Variants in ERBB4 observed in about 807,000 individuals in gnomAD.
ERBB4 encodes erb-b2 receptor tyrosine kinase 4.
In ERBB4, 42 loss-of-function variants were observed where a neutral mutation model predicts 158.0. That is an observed-to-expected ratio of 0.27 (90% CI 0.21 to 0.34). The LOEUF (loss-of-function observed/expected upper bound fraction) is 0.34. Among genes scored for constraint, ERBB4 ranks in the 10% least tolerant of loss-of-function variants. ERBB4 has a pLI of 1.00. For synonymous variants in ERBB4, 583 were observed against 558.7 expected, an observed-to-expected ratio of 1.04 and a Z score of -0.61; for missense variants, 1,333 against 1,624.1, an observed-to-expected ratio of 0.82 and a Z score of 3.08.
chr2:211,685,092 T>G (rs1405850351), intron 12 of ERBB4, among the ~76,000 whole-genome samples: 2 of 152,090 alleles, frequency 1.3e-5, no homozygotes, highest in African/African-American at 2.4e-5. Context: ...ACTTTCATTC[T>G]TATCTTAGGA....
At chr2:211,541,348 C>T (rs528664465) in intron 20 of ERBB4, among the ~76,000 whole-genome samples, 1 of 151,816 alleles carries the variant, frequency 6.6e-6, no homozygotes, top group Non-Finnish European at 1.5e-5. Context: ...TTTGAATGTC[C>T]TACTCAGGTT....
intron 20 of ERBB4, among the ~76,000 whole-genome samples, chr2:211,507,002 G>A (rs2065768127): frequency 6.6e-6 from 1 of 151,942 alleles, no homozygotes; most frequent in Admixed American, 6.6e-5. Flanking sequence ...ATTCAAATAA[G>A]CACAACCAGA....
chr2:211,497,684 A>G (rs1300107726), intron 20 of ERBB4, among the ~76,000 whole-genome samples: 1 of 152,148 alleles, frequency 6.6e-6, no homozygotes, highest in Non-Finnish European at 1.5e-5. Context: ...TGAATATGCT[A>G]TAGGGAATAA....
intron 1 of ERBB4, among the ~76,000 whole-genome samples, chr2:212,242,315 A>G (rs2084139149): frequency 6.6e-6 from 1 of 152,052 alleles, no homozygotes; most frequent in Admixed American, 6.6e-5. Context: ...AAAATATCTT[A>G]GTAACATTTT....
At chr2:212,443,881 A>G (rs548944004) in intron 1 of ERBB4, among the ~76,000 whole-genome samples, 1 of 152,272 alleles carries the variant, frequency 6.6e-6, no homozygotes, top group Admixed American at 6.5e-5. Context: ...TTTGGTGGAA[A>G]CTGAACATTT....
chr2:211,968,073 A>G (rs2081352174), intron 2 of ERBB4, among the ~76,000 whole-genome samples: 1 of 152,048 alleles, frequency 6.6e-6, no homozygotes, highest in Non-Finnish European at 1.5e-5. Context: ...GAATATTCAT[A>G]TTAACTTACA....
At chr2:211,808,112 CAGA>C (rs1365038365) in intron 3 of ERBB4, among the ~76,000 whole-genome samples, 1 of 152,162 alleles carries the variant, frequency 6.6e-6, no homozygotes, top group Non-Finnish European at 1.5e-5. Flanking sequence ...TCTTGCTGTG[CAGA>C]AGCTCTTTAG....
At position 211,630,442 on chromosome 2, in the gene ERBB4, A is replaced by T. The variant is rs764502475; in HGVS notation, c.2079+20T>A. ...GATGAAAATCCCCAAACACATGAAG[A>T]GGAGAAAGAAATACCTCACCTCTGT... On this transcript the variant is annotated intron_variant, in intron 17 of 27. Coordinates refer to ENST00000342788, the MANE Select transcript of ERBB4 (RefSeq NM_005235.3). 1.2e-6 allele frequency: 2 copies of T among 1,613,022 alleles called. No individual in the cohort carries two copies. Among genetic ancestry groups the T allele is most frequent in the Non-Finnish European group, 1.7e-6 (2 of 1,179,166 alleles).
At chr2:211,886,552 C>T (rs562799228) in intron 3 of ERBB4, among the ~76,000 whole-genome samples, 2 of 151,686 alleles carry the variant, frequency 1.3e-5, no homozygotes, top group Non-Finnish European at 2.9e-5. Context: ...TATAAAGAGG[C>T]CAAAAGAAAT....
At chr2:212,390,075 AAG>A (rs2090809107) in intron 1 of ERBB4, among the ~76,000 whole-genome samples, 1 of 151,910 alleles carries the variant, frequency 6.6e-6, no homozygotes, top group Non-Finnish European at 1.5e-5. Context: ...AGAGGCTGGA[AAG>A]AGAAATGTGT....
intron 1 of ERBB4, among the ~76,000 whole-genome samples, chr2:212,184,157 G>A (rs1274476098): frequency 6.6e-6 from 1 of 152,022 alleles, no homozygotes; most frequent in Non-Finnish European, 1.5e-5. Context: ...GAATCAAGGG[G>A]CTGTGGTTCT....
chr2:211,465,044 T>A (rs1043190079), intron 20 of ERBB4, among the ~76,000 whole-genome samples: 2 of 150,876 alleles, frequency 1.3e-5, no homozygotes, highest in Non-Finnish European at 2.9e-5. Context: ...TGCTGTGACA[T>A]GATGATAGCT....
intron 14 of ERBB4, 144 bp downstream of exon 14, chr2:211,673,020 T>C: frequency 2.8e-6 from 2 of 703,026 alleles, no homozygotes; most frequent in East Asian, 5.3e-5. Flanking sequence ...TACTAAACTT[T>C]AAGCCTCTTG....
intron 2 of ERBB4, among the ~76,000 whole-genome samples, chr2:212,060,553 ACCCACCCC>A: frequency 7.0e-6 from 1 of 142,744 alleles, no homozygotes; most frequent in Non-Finnish European, 1.5e-5. Flanking sequence ...AAGACTTGGA[ACCCACCCC>A]AACGTCCATC....
rs1332230719 is a variant in ERBB4 at position 212,323,939 on chromosome 2, TG to T, written c.83-199037del. 2.7e-5 allele frequency among the ~76,000 whole-genome samples: 4 copies of T among 150,532 alleles called. 1 individual carries two copies. The highest frequency in any genetic ancestry group is 6.0e-5 in the Non-Finnish European group (4 of 67,180). On this transcript the variant is annotated intron_variant, in intron 1 of 27. Transcript: ENST00000342788. Reference sequence around the variant, plus strand: ...TCACTGGTTGCCCAGTCCGGAGCCATGCCCACCACACCTCACGCCTTAGTTT... The same window carrying T: ...TCACTGGTTGCCCAGTCCGGAGCCATCCCACCACACCTCACGCCTTAGTTT...
rs559345903 is a variant in ERBB4, at chr2:212,418,100, T to C, written c.82+120349A>G. ...CTATTAACATCTTGGTCTTGGACTTTCCAGTCTTCTGAACTGTGAGAAATA... is the reference window on the plus strand; with the variant it reads ...CTATTAACATCTTGGTCTTGGACTTCCCAGTCTTCTGAACTGTGAGAAATA... On this transcript the variant is annotated intron_variant, in intron 1 of 27. Coordinates refer to ENST00000342788, the MANE Select transcript of ERBB4 (RefSeq NM_005235.3). Among the ~76,000 whole-genome samples, 32 of 152,090 alleles carry C rather than the reference T, an allele frequency of 2.1e-4. 1 individual carries two copies. In the South Asian group the frequency reaches 6.0e-3, roughly 29 times the overall value.
At chr2:211,940,716 T>C (rs2080470590) in intron 3 of ERBB4, among the ~76,000 whole-genome samples, 1 of 152,128 alleles carries the variant, frequency 6.6e-6, no homozygotes, top group South Asian at 2.1e-4. Flanking sequence ...ACTGAAAACA[T>C]GTGAGCAGAG....
chr2:211,853,524 G>A (rs1283414196), intron 3 of ERBB4, among the ~76,000 whole-genome samples: 1 of 152,000 alleles, frequency 6.6e-6, no homozygotes, highest in African/African-American at 2.4e-5. Flanking sequence ...AGTTCTTGAT[G>A]ACCCAGTCCT....
chr2:212,038,546 T>C (rs1178122174), intron 2 of ERBB4, among the ~76,000 whole-genome samples: 3 of 152,154 alleles, frequency 2.0e-5, no homozygotes, highest in African/African-American at 4.8e-5. Flanking sequence ...TTTTTTCTTT[T>C]GTACTTTGTG....
Sources: gnomAD v4.1 joint callset for allele counts (sites outside exome capture counted in the v4.1 genomes callset) on GRCh38, gnomAD v4.1.1 for gene constraint, MANE v1.5 for transcripts, NCBI Gene and HGNC (gene_info 2026-07-23, HGNC 2026-07-21) for gene names.